The following ALDH1L2 variants were observed in gnomAD, a reference collection of about 807,000 sequenced individuals.
The protein encoded by ALDH1L2 is mitochondrial 10-formyltetrahydrofolate dehydrogenase.
ALDH1L2 carries 91 observed loss-of-function variants against 111.0 expected under a neutral mutation model. The ratio of observed to expected loss-of-function variants is 0.82; its 90% CI spans 0.69 to 0.98. The LOEUF (loss-of-function observed/expected upper bound fraction) is 0.98. Ranked by LOEUF, ALDH1L2 falls within the 50% of genes least tolerant of loss-of-function variation. ALDH1L2 has a pLI of 0.00. For synonymous variants in ALDH1L2, 374 were observed against 392.6 expected (o/e 0.95, Z 0.56); for missense variants, 995 against 1,126.8 (o/e 0.88, Z 1.67).
chr12:105,050,448 C>A, intron 12 of ALDH1L2: 1 of 203,622 alleles, frequency 4.9e-6, no homozygotes, highest in Non-Finnish European at 1.0e-5. Flanking sequence ...GACAAGATAG[C>A]AACGTACACA....
At chr12:105,063,133 A>G in intron 6 of ALDH1L2, 111 bp from the exon 7 acceptor site, 3 of 1,248,484 alleles carry the variant, frequency 2.4e-6, no homozygotes, top group Non-Finnish European at 3.2e-6. Flanking sequence ...ATCATCTGTA[A>G]TAAAATTGAG....
intron 20 of ALDH1L2, among the ~76,000 whole-genome samples, chr12:105,031,486 T>C (rs554101293): frequency 1.3e-5 from 2 of 152,180 alleles, no homozygotes; most frequent in Admixed American, 6.5e-5. Context: ...TTTTATTTTG[T>C]TTTGTTTTGT....
chr12:105,078,233 G>C (rs547354005), intron 1 of ALDH1L2, among the ~76,000 whole-genome samples: 3 of 152,054 alleles, frequency 2.0e-5, no homozygotes, highest in African/African-American at 7.2e-5. Context: ...GCTGGGTGCC[G>C]ATCACCTGAG....
intron 21 of ALDH1L2, among the ~76,000 whole-genome samples, chr12:105,029,794 C>T (rs1287693645): frequency 6.6e-6 from 1 of 152,002 alleles, no homozygotes; most frequent in East Asian, 1.9e-4. Context: ...TTTATGAGCT[C>T]AGTTAGCACT....
chr12:105,056,742 C>T (rs1876653485), intron 10 of ALDH1L2, among the ~76,000 whole-genome samples: 1 of 150,750 alleles, frequency 6.6e-6, no homozygotes, highest in Non-Finnish European at 1.5e-5. Context: ...TTATAATCCT[C>T]AAGGCAACCA....
At chr12:105,051,812 T>G in intron 12 of ALDH1L2, among the ~76,000 whole-genome samples, 2 of 144,816 alleles carry the variant, frequency 1.4e-5, no homozygotes, top group Admixed American at 1.5e-4. Flanking sequence ...TGAGACAGAG[T>G]CTTGCTTTCT....
chr12:105,050,206 G>T, intron 12 of ALDH1L2, 148 bp from the exon 13 acceptor site: 1 of 638,886 alleles, frequency 1.6e-6, no homozygotes, highest in South Asian at 5.0e-5. Flanking sequence ...CAGTAGGCAA[G>T]AAAGACATTA....
At chr12:105,067,383 C>T (rs1022960208) in intron 4 of ALDH1L2, among the ~76,000 whole-genome samples, 2 of 152,014 alleles carry the variant, frequency 1.3e-5, no homozygotes, top group African/African-American at 4.8e-5. Context: ...AACAAACTGC[C>T]ACCTCCCTTA....
intron 21 of ALDH1L2, among the ~76,000 whole-genome samples, chr12:105,028,583 A>G (rs938427401): frequency 6.6e-6 from 1 of 152,228 alleles, no homozygotes; most frequent in African/African-American, 2.4e-5. Flanking sequence ...TGCACAAGAA[A>G]TCTGGAATCT....
chr12:105,080,354 G>A (rs1402383871), intron 1 of ALDH1L2, among the ~76,000 whole-genome samples: 1 of 152,086 alleles, frequency 6.6e-6, no homozygotes, highest in Non-Finnish European at 1.5e-5. Flanking sequence ...GTTTGGTTGA[G>A]TGTATTTTCA....
intron 15 of ALDH1L2, among the ~76,000 whole-genome samples, chr12:105,042,189 T>C (rs745502190): frequency 2.6e-5 from 4 of 152,236 alleles, no homozygotes; most frequent in Non-Finnish European, 5.9e-5. Context: ...TTTACACTGA[T>C]ACCTTTATCC....
At chr12:105,040,763 TC>T in intron 15 of ALDH1L2, 69 bp from the exon 16 acceptor site, 1 of 1,261,196 alleles carries the variant, frequency 7.9e-7, no homozygotes, top group East Asian at 2.3e-5. Flanking sequence ...AACCCAGTTT[TC>T]CCTTGATAGC....
chr12:105,038,188 T>C lies in ALDH1L2; in HGVS notation c.2060A>G (p.Asn687Ser). Residue 687 changes from asparagine (N) to serine (S), a missense_variant, in exon 18 of 23, where the codon AAC becomes AGC. Coordinates refer to ENST00000258494, the MANE Select transcript of ALDH1L2 (RefSeq NM_001034173.4). ...KQIMKSCAVS[N>S]LKKVSLELGG... ...AAGCTCAAGGGAAACTTTCTTCAAG[T>C]TGCTAACAGCACAGCTAGAGGAAAA... 1 of 1,612,914 alleles carries C rather than the reference T, an allele frequency of 6.2e-7. No individual in the cohort carries two copies. The highest frequency in any genetic ancestry group is 8.5e-7 in the Non-Finnish European group (1 of 1,179,466).
In ALDH1L2 at chr12:105,022,014, A is replaced by G. The variant is rs1192176370; in HGVS notation, c.*2410T>C. The G allele has an allele frequency of 6.6e-6, 1 of 152,180 alleles. No individual in the cohort carries two copies. The highest frequency in any genetic ancestry group is 1.5e-5 in the Non-Finnish European group (1 of 68,040). The allele number at this position is 152,180 out of a possible 1,614,324, so 9.4% of individuals were successfully genotyped here. A position where few individuals can be genotyped will look rare whatever the true frequency, so the allele number is the denominator to read the frequency against. On this transcript the variant is annotated 3_prime_UTR_variant, in exon 23 of 23. Coordinates refer to ENST00000258494, the MANE Select transcript of ALDH1L2 (RefSeq NM_001034173.4). ...GTCCACACCTCCCGATTCAGGTGATAATAAGATCACAGCTTCATCCTTAGC... is the reference window on the plus strand; with the variant it reads ...GTCCACACCTCCCGATTCAGGTGATGATAAGATCACAGCTTCATCCTTAGC...
chr12:105,047,858 A>G (rs536082946), intron 13 of ALDH1L2: 1 of 152,356 alleles, frequency 6.6e-6, no homozygotes, highest in South Asian at 2.1e-4. Context: ...CTACTACCCC[A>G]GCAGGATTTG....
At chr12:105,041,556 T>TA (rs1047891109) in intron 15 of ALDH1L2, among the ~76,000 whole-genome samples, 1 of 152,228 alleles carries the variant, frequency 6.6e-6, no homozygotes, top group Non-Finnish European at 1.5e-5. Flanking sequence ...TGTGGGGAGA[T>TA]ACTCCTCAAA....
intron 1 of ALDH1L2, among the ~76,000 whole-genome samples, chr12:105,082,682 G>A (rs1205215598): frequency 1.3e-5 from 2 of 152,142 alleles, no homozygotes; most frequent in African/African-American, 2.4e-5. Flanking sequence ...GTTTCTATGC[G>A]GGCAAATAAG....
rs545290048 is a variant in ALDH1L2 at position 105,048,351 on chromosome 12, A to C, written c.1687-1382T>G. On this transcript the variant is annotated intron_variant, in intron 13 of 22. Coordinates refer to ENST00000258494, the MANE Select transcript of ALDH1L2 (RefSeq NM_001034173.4). ...CAGGTCTGTCTGACTGTACATTAAC[A>C]TTGGTGGCAGCAATGTATGCAGATG... The C allele has an allele frequency of 2.6e-5, 4 of 152,334 alleles. No individual in the cohort carries two copies. The South Asian group carries it at 8.3e-4, about 32-fold the overall frequency. The allele number at this position is 152,334 out of a possible 1,614,324, so 9.4% of individuals were successfully genotyped here. A position where few individuals can be genotyped will look rare whatever the true frequency, so the allele number is the denominator to read the frequency against.
At chr12:105,050,207 A>ATCTGGACCATATT (rs1460212626) in intron 12 of ALDH1L2, 149 bp from the exon 13 acceptor site, 3 of 624,234 alleles carry the variant, frequency 4.8e-6, no homozygotes, top group African/African-American at 1.9e-5. Context: ...AGTAGGCAAG[A>ATCTGGACCATATT]AAGACATTAA....
Sources: gnomAD v4.1 joint callset for allele counts (sites outside exome capture counted in the v4.1 genomes callset) on GRCh38, gnomAD v4.1.1 for gene constraint, MANE v1.5 for transcripts, NCBI Gene and HGNC (gene_info 2026-07-23, HGNC 2026-07-21) for gene names.